Variants in PLD1 observed in about 807,000 individuals in gnomAD.
PLD1 encodes phospholipase D1, also known as choline phosphatase 1.
In PLD1, 112 loss-of-function variants were observed where a neutral mutation model predicts 137.1. The ratio of observed to expected loss-of-function variants is 0.82; its 90% CI spans 0.70 to 0.96. PLD1 has a LOEUF of 0.96. Among genes scored for constraint, PLD1 ranks in the 40% least tolerant of loss-of-function variants. The pLI is 0.00. For missense variants in PLD1, 1,321 were observed against 1,342.0 expected, an observed-to-expected ratio of 0.98 and a Z score of 0.24; for synonymous variants, 431 against 454.7, an observed-to-expected ratio of 0.95 and a Z score of 0.66.
chr3:171,700,868 G>A (rs73041816), intron 11 of PLD1, among the ~76,000 whole-genome samples: 14,866 of 152,208 alleles, frequency 0.098, 2,134 homozygotes, highest in African/African-American at 0.32. Flanking sequence ...GGGTTCTAAA[G>A]TTAGTTTCTG....
At chr3:171,684,277 G>C (rs1411755533) in intron 16 of PLD1, among the ~76,000 whole-genome samples, 1 of 152,150 alleles carries the variant, frequency 6.6e-6, no homozygotes, top group Non-Finnish European at 1.5e-5. Flanking sequence ...ATCTTCATGG[G>C]TTGGCAACCT....
chr3:171,765,752 C>T (rs1215718852), intron 1 of PLD1, among the ~76,000 whole-genome samples: 1 of 152,176 alleles, frequency 6.6e-6, no homozygotes, highest in African/African-American at 2.4e-5. Context: ...ATCGTCCCTT[C>T]TAAGGATTGT....
At chr3:171,729,585 A>G (rs1718781895) in intron 6 of PLD1, among the ~76,000 whole-genome samples, 1 of 152,198 alleles carries the variant, frequency 6.6e-6, no homozygotes, top group Non-Finnish European at 1.5e-5. Flanking sequence ...GGAAGGTAAG[A>G]GCATTGAGTT....
chr3:171,660,235 G>A (rs1342858562), intron 20 of PLD1, among the ~76,000 whole-genome samples: 1 of 152,150 alleles, frequency 6.6e-6, no homozygotes, highest in African/African-American at 2.4e-5. Context: ...ATACTTAAGT[G>A]CATAAATCTG....
intron 24 of PLD1, among the ~76,000 whole-genome samples, chr3:171,619,957 A>T (rs927068904): frequency 2.6e-5 from 4 of 152,182 alleles, no homozygotes; most frequent in African/African-American, 9.7e-5. Flanking sequence ...AATTAGTGAA[A>T]TCTGGCACAT....
intron 25 of PLD1, among the ~76,000 whole-genome samples, chr3:171,608,656 A>G (rs1418497395): frequency 1.3e-5 from 2 of 152,186 alleles, no homozygotes; most frequent in East Asian, 3.8e-4. Flanking sequence ...TGGACTGCAG[A>G]TAAGAGAGGC....
Position 171,686,802 on chromosome 3 carries a change from G to C in PLD1, c.1754-4C>G, listed in dbSNP as rs758878747. The C allele has an allele frequency of 1.8e-5, 23 of 1,308,688 alleles. No individual in the cohort carries two copies. The Admixed American group carries it at 4.9e-4, about 28-fold the overall frequency. The allele number at this position is 1,308,688 out of a possible 1,614,324, so 81.1% of individuals were successfully genotyped here. A position where few individuals can be genotyped will look rare whatever the true frequency, so the allele number is the denominator to read the frequency against. Reference sequence around the variant, plus strand: ...CTTCTATAGTGATTAAAATAACCTAGAGAAATTAAGAATTTTTTTACAAAA... The same window carrying C: ...CTTCTATAGTGATTAAAATAACCTACAGAAATTAAGAATTTTTTTACAAAA... On this transcript the variant is annotated splice_region_variant and splice_polypyrimidine_tract_variant and intron_variant, in intron 15 of 26. Coordinates refer to ENST00000351298, the MANE Select transcript of PLD1 (RefSeq NM_002662.5).
intron 25 of PLD1, among the ~76,000 whole-genome samples, chr3:171,606,245 G>A (rs765420693): frequency 7.9e-5 from 12 of 152,192 alleles, no homozygotes; most frequent in Non-Finnish European, 1.6e-4. Context: ...ATGTACAGCT[G>A]TAGTCGCCTT....
At chr3:171,708,205 G>A (rs140969799) in intron 11 of PLD1, among the ~76,000 whole-genome samples, 3 of 152,148 alleles carry the variant, frequency 2.0e-5, no homozygotes, top group Non-Finnish European at 4.4e-5. Context: ...ATGAGTTTCC[G>A]ATATGAGGCT....
At chr3:171,780,561 G>A (rs1722758304) in intron 1 of PLD1, among the ~76,000 whole-genome samples, 2 of 152,194 alleles carry the variant, frequency 1.3e-5, no homozygotes, top group African/African-American at 4.8e-5. Flanking sequence ...AATGCCAGTG[G>A]GGTAGTAGGA....
At chr3:171,794,387 T>C (rs933439465) in intron 1 of PLD1, among the ~76,000 whole-genome samples, 13 of 152,272 alleles carry the variant, frequency 8.5e-5, no homozygotes, top group African/African-American at 3.1e-4. Flanking sequence ...CAGGCATCCA[T>C]TGGGGGTCTT....
chr3:171,666,463 C>T (rs1036630958), intron 19 of PLD1, among the ~76,000 whole-genome samples: 1 of 152,238 alleles, frequency 6.6e-6, no homozygotes, highest in Non-Finnish European at 1.5e-5. Flanking sequence ...CACTGGGTCC[C>T]TCCCATGACA....
chr3:171,780,770 G>A (rs181019455), intron 1 of PLD1, among the ~76,000 whole-genome samples: 1 of 152,304 alleles, frequency 6.6e-6, no homozygotes, highest in Admixed American at 6.5e-5. Context: ...CCTAAAAAGT[G>A]GGCTCAAATG....
intron 23 of PLD1, among the ~76,000 whole-genome samples, chr3:171,639,681 T>A (rs963378884): frequency 8.1e-6 from 1 of 123,078 alleles, no homozygotes; most frequent in Non-Finnish European, 1.6e-5. Context: ...ATATTATATA[T>A]AATACCTATT....
intron 6 of PLD1, among the ~76,000 whole-genome samples, chr3:171,726,370 T>C (rs73176170): frequency 2.0e-5 from 3 of 152,308 alleles, no homozygotes; most frequent in Non-Finnish European, 4.4e-5. Context: ...TTCTCAATAT[T>C]CTTTCATGTT....
intron 23 of PLD1, among the ~76,000 whole-genome samples, chr3:171,630,545 CTATAAAGACACATGCACACGTATGTT>C (rs1734565761): frequency 7.3e-6 from 1 of 137,572 alleles, no homozygotes; most frequent in Non-Finnish European, 1.5e-5. Flanking sequence ...AATCATGCTG[CTATAAAGACACATGCACACGTATGTT>C]TATTGTGGCA....
At chr3:171,764,870 A>AGGAAG (rs1312215483) in intron 1 of PLD1, among the ~76,000 whole-genome samples, 16 of 26,332 alleles carry the variant, frequency 6.1e-4, no homozygotes, top group Non-Finnish European at 9.7e-4. Flanking sequence ...AAAGAAAGAA[A>AGGAAG]GAAAGAAAGA....
At chr3:171,767,610 C>T (rs1307423749) in intron 1 of PLD1, among the ~76,000 whole-genome samples, 2 of 152,178 alleles carry the variant, frequency 1.3e-5, no homozygotes, top group Non-Finnish European at 2.9e-5. Context: ...CCTTCTGATG[C>T]ACAACACTGT....
intron 11 of PLD1, among the ~76,000 whole-genome samples, chr3:171,701,818 C>A (rs544883988): frequency 6.6e-6 from 1 of 152,212 alleles, no homozygotes; most frequent in African/African-American, 2.4e-5. Context: ...CTGTAGGATG[C>A]ATCGTTACTG....
Sources: allele counts gnomAD v4.1 joint callset (sites outside exome capture counted in the v4.1 genomes callset), GRCh38; gene constraint gnomAD v4.1.1; transcripts MANE v1.5; gene names NCBI Gene and HGNC (gene_info 2026-07-23, HGNC 2026-07-21).